Variants in TNFRSF21 observed in about 807,000 individuals in gnomAD.
TNFRSF21 encodes the protein tumor necrosis factor receptor superfamily member 21.
TNFRSF21 carries 19 observed loss-of-function variants against 45.6 expected under a neutral mutation model. The observed-to-expected ratio is 0.42, with a 90% CI of 0.29 to 0.61. The LOEUF is 0.61. Among genes scored for constraint, TNFRSF21 ranks in the 20% least tolerant of loss-of-function variants. The pLI, the probability that TNFRSF21 is intolerant of heterozygous loss-of-function variation, is 0.23. For synonymous variants in TNFRSF21, 314 were observed against 335.5 expected (o/e 0.94, Z 0.70); for missense variants, 737 against 851.5 (o/e 0.87, Z 1.67).
intron 3 of TNFRSF21, among the ~76,000 whole-genome samples, chr6:47,274,783 A>T (rs956100531): frequency 6.6e-6 from 1 of 152,192 alleles, no homozygotes; most frequent in African/African-American, 2.4e-5. Context: ...AACTGAAACA[A>T]ATTTACAAGA....
chr6:47,232,638 C>CACACACACACACACACACACAA lies in TNFRSF21; in HGVS notation c.*105_*126dup. The CACACACACACACACACACACAA allele has an allele frequency of 1.4e-6, 1 of 734,134 alleles. No individual in the cohort carries two copies. Among genetic ancestry groups the CACACACACACACACACACACAA allele is most frequent in the Non-Finnish European group, 2.3e-6 (1 of 441,862 alleles). The allele number at this position is 734,134 out of a possible 1,614,324, so 45.5% of individuals were successfully genotyped here. A position where few individuals can be genotyped will look rare whatever the true frequency, so the allele number is the denominator to read the frequency against. On this transcript the variant is annotated 3_prime_UTR_variant, in exon 6 of 6. Transcript: ENST00000296861. ...ATTCTCTGTTAAACACACACACACA[C>CACACACACACACACACACACAA]ACACACACACACACACACACAAACA...
At chr6:47,279,562 C>T (rs1179939265) in intron 3 of TNFRSF21, among the ~76,000 whole-genome samples, 4 of 152,152 alleles carry the variant, frequency 2.6e-5, no homozygotes, top group Non-Finnish European at 5.9e-5. Flanking sequence ...ATGTTTTCCA[C>T]GTAACCTCTC....
At position 47,259,650 on chromosome 6, in the gene TNFRSF21, C is replaced by T. The variant is rs190257750; in HGVS notation, c.1244-6129G>A. Among the ~76,000 whole-genome samples the T allele has an allele frequency of 3.0e-4, 46 of 152,244 alleles. No homozygotes were observed. The South Asian group carries it at 3.5e-3, about 12-fold the overall frequency. Reference sequence around the variant, plus strand: ...TAGGCTTCCCAAAATGCTGGGATTACGGGTGTGAGCCACTGTGCCCTGCCA... The same window carrying T: ...TAGGCTTCCCAAAATGCTGGGATTATGGGTGTGAGCCACTGTGCCCTGCCA... On this transcript the variant is annotated intron_variant, in intron 3 of 5. Coordinates refer to ENST00000296861, the MANE Select transcript of TNFRSF21 (RefSeq NM_014452.5).
intron 1 of TNFRSF21, 117 bp from the exon 2 acceptor site, chr6:47,286,712 C>T (rs965998163): frequency 5.9e-5 from 66 of 1,124,998 alleles, no homozygotes; most frequent in Non-Finnish European, 7.8e-5. Flanking sequence ...GTTAAAGATC[C>T]GACCAGGACT....
chr6:47,259,280 G>A (rs538783142), intron 3 of TNFRSF21, among the ~76,000 whole-genome samples: 59 of 152,312 alleles, frequency 3.9e-4, no homozygotes, highest in Non-Finnish European at 1.6e-4. Flanking sequence ...TTAACTGGAT[G>A]TGATGCCAAG....
chr6:47,265,524 A>G (rs528476118), intron 3 of TNFRSF21, among the ~76,000 whole-genome samples: 8 of 152,288 alleles, frequency 5.3e-5, no homozygotes, highest in African/African-American at 1.7e-4. Context: ...AAAACCTGGC[A>G]CTGCTACTTC....
chr6:47,309,540 C>T lies in TNFRSF21; in HGVS notation c.-29G>A, dbSNP rs559969750. The T allele has an allele frequency of 1.7e-4, 234 of 1,398,490 alleles. 1 individual carries two copies. Among genetic ancestry groups the T allele is most frequent in the Non-Finnish European group, 1.8e-5 (20 of 1,084,352 alleles). The allele number at this position is 1,398,490 out of a possible 1,614,324, so 86.6% of individuals were successfully genotyped here. On this transcript the variant is annotated 5_prime_UTR_variant, in exon 1 of 6. Transcript: ENST00000296861. ...TGAACCGGGGACTCGCAGGGGCGCCCGGGGCGCGCGGGGCAGCTGGAATCG... is the reference window on the plus strand; with the variant it reads ...TGAACCGGGGACTCGCAGGGGCGCCTGGGGCGCGCGGGGCAGCTGGAATCG...
chr6:47,290,327 C>T (rs910273823), intron 1 of TNFRSF21, among the ~76,000 whole-genome samples: 4 of 152,126 alleles, frequency 2.6e-5, no homozygotes, highest in Non-Finnish European at 5.9e-5. Flanking sequence ...CAGTCAGACA[C>T]ACCCACACAC....
At chr6:47,243,975 T>C (rs1372676502) in intron 4 of TNFRSF21, among the ~76,000 whole-genome samples, 1 of 152,202 alleles carries the variant, frequency 6.6e-6, no homozygotes, top group African/African-American at 2.4e-5. Context: ...TCTTCCTAGA[T>C]GTGGAATTAT....
At chr6:47,302,364 G>C (rs1437917212) in intron 1 of TNFRSF21, among the ~76,000 whole-genome samples, 3 of 152,140 alleles carry the variant, frequency 2.0e-5, no homozygotes, top group Non-Finnish European at 4.4e-5. Flanking sequence ...ACCCTAAAAG[G>C]TCCTCAAGTT....
chr6:47,278,972 G>A (rs1762532631), intron 3 of TNFRSF21, among the ~76,000 whole-genome samples: 1 of 152,118 alleles, frequency 6.6e-6, no homozygotes, highest in South Asian at 2.1e-4. Flanking sequence ...GTTTAAACGA[G>A]GTATACCCAA....
At chr6:47,280,776 T>A (rs1282551436) in intron 3 of TNFRSF21, among the ~76,000 whole-genome samples, 3 of 152,198 alleles carry the variant, frequency 2.0e-5, no homozygotes, top group Non-Finnish European at 4.4e-5. Flanking sequence ...CTGGACCAGT[T>A]TTTACTCTAC....
chr6:47,233,398 C>G (rs887718121), intron 5 of TNFRSF21, among the ~76,000 whole-genome samples: 2 of 152,170 alleles, frequency 1.3e-5, no homozygotes, highest in Admixed American at 6.5e-5. Flanking sequence ...CTTTCCCTAT[C>G]TGAAATGTGT....
rs530168223 is a variant in TNFRSF21 at position 47,306,917 on chromosome 6, G to A, written c.96+2499C>T. Among the ~76,000 whole-genome samples, 6 of 152,276 alleles carry A rather than the reference G, an allele frequency of 3.9e-5. No individual in the cohort carries two copies. The South Asian group carries it at 1.0e-3, about 26-fold the overall frequency. On this transcript the variant is annotated intron_variant, in intron 1 of 5. Coordinates refer to ENST00000296861, the MANE Select transcript of TNFRSF21 (RefSeq NM_014452.5). ...AGTAGTGTTCTGAGTACCCTGCCAC[G>A]TGTACCCAGGCTCCAGTACCTGATG... is the stretch of plus-strand genomic sequence containing the variant.
intron 3 of TNFRSF21, among the ~76,000 whole-genome samples, chr6:47,278,108 C>A (rs1000333151): frequency 6.6e-6 from 1 of 152,152 alleles, no homozygotes; most frequent in African/African-American, 2.4e-5. Flanking sequence ...TGTCAGCAAT[C>A]TTTTCCTAGT....
chr6:47,274,217 C>G (rs1015357653), intron 3 of TNFRSF21, among the ~76,000 whole-genome samples: 3 of 152,178 alleles, frequency 2.0e-5, no homozygotes, highest in Admixed American at 6.5e-5. Flanking sequence ...GGAGGCATCA[C>G]GCTACCTGAC....
At chr6:47,245,153 G>T (rs1764804665) in intron 4 of TNFRSF21, among the ~76,000 whole-genome samples, 3 of 152,092 alleles carry the variant, frequency 2.0e-5, no homozygotes, top group Admixed American at 2.0e-4. Context: ...TTTTCTGAAT[G>T]GTGAGACACT....
intron 3 of TNFRSF21, among the ~76,000 whole-genome samples, chr6:47,256,357 C>G (rs1029982609): frequency 3.3e-5 from 5 of 152,122 alleles, no homozygotes; most frequent in Admixed American, 3.3e-4. Context: ...AAACCCATTT[C>G]TACAAAAAAT....
chr6:47,246,438 G>A (rs1366339771), intron 4 of TNFRSF21, among the ~76,000 whole-genome samples: 1 of 152,182 alleles, frequency 6.6e-6, no homozygotes, highest in African/African-American at 2.4e-5. Flanking sequence ...CTTGGAGACT[G>A]TATAGGACTT....
Sources: gnomAD v4.1 joint callset for allele counts (sites outside exome capture counted in the v4.1 genomes callset) on GRCh38, gnomAD v4.1.1 for gene constraint, MANE v1.5 for transcripts, NCBI Gene and HGNC (gene_info 2026-07-23, HGNC 2026-07-21) for gene names.